The following NHS variants were observed in gnomAD, a reference collection of about 807,000 sequenced individuals.
NHS encodes actin remodeling regulator NHS.
In NHS, 5 loss-of-function variants were observed where a neutral mutation model predicts 72.5. The observed-to-expected ratio is 0.07, with a 90% CI of 0.04 to 0.14. The LOEUF (loss-of-function observed/expected upper bound fraction) is 0.14, where lower values mean the gene tolerates loss of function less well. Ranked by LOEUF, NHS falls within the 10% of genes least tolerant of loss-of-function variation. NHS has a pLI of 1.00. For synonymous variants in NHS, 464 were observed against 547.7 expected (o/e 0.85, Z 2.13); for missense variants, 1,072 against 1,355.7 (o/e 0.79, Z 3.29).
intron 1 of NHS, among the ~76,000 whole-genome samples, chrX:17,641,120 A>G (rs2065878792): frequency 9.1e-6 from 1 of 110,384 alleles, no homozygotes; most frequent in African/African-American, 3.3e-5. Flanking sequence ...TTTTTATTTT[A>G]TTTTATTTTA....
chrX:17,692,655 A>G (rs2066204470), intron 3 of NHS, among the ~76,000 whole-genome samples, 187 bp downstream of exon 3: 1 of 111,486 alleles, frequency 9.0e-6, no homozygotes, highest in African/African-American at 3.3e-5. Flanking sequence ...TTTGGAATAC[A>G]GACATATTTT....
intron 8 of NHS, 91 bp downstream of exon 8, chrX:17,728,866 G>T: frequency 9.0e-7 from 1 of 1,114,138 alleles, no homozygotes; most frequent in Non-Finnish European, 1.2e-6. Flanking sequence ...ATACAGGAAA[G>T]CTTTTTGTAA....
chrX:17,555,897 C>T (rs1018134048), intron 1 of NHS, among the ~76,000 whole-genome samples: 1 of 147 alleles, frequency 6.8e-3, no homozygotes, highest in Non-Finnish European at 0.014. Flanking sequence ...AGGAACAAAC[C>T]GGAGAGAAAA....
intron 1 of NHS, among the ~76,000 whole-genome samples, chrX:17,429,270 G>A (rs952604993): frequency 5.5e-5 from 6 of 108,122 alleles, no homozygotes; most frequent in East Asian, 5.7e-4. Flanking sequence ...ACACGTGCGC[G>A]CGCGCTATAC....
intron 1 of NHS, among the ~76,000 whole-genome samples, chrX:17,539,108 G>A (rs1183812552): frequency 8.9e-6 from 1 of 112,068 alleles, no homozygotes; most frequent in Admixed American, 9.4e-5. Flanking sequence ...CCCCCTTGTT[G>A]CTTCTTAAGC....
In NHS at chrX:17,731,843, C is replaced by A; in HGVS notation, c.4350-15C>A. 1.7e-6 allele frequency: 2 copies of A among 1,175,236 alleles called. No individual in the cohort carries two copies. Among genetic ancestry groups the A allele is most frequent in the Non-Finnish European group, 2.3e-6 (2 of 878,892 alleles). On this transcript the variant is annotated splice_polypyrimidine_tract_variant and intron_variant, in intron 8 of 8. Coordinates refer to ENST00000676302, the MANE Select transcript of NHS (RefSeq NM_001291867.2). Reference sequence around the variant, plus strand: ...CTGAGTGAGATGTTTGCCCCATTTTCTCCTTTTCTCAAAGATCCAAGAGGA... The same window carrying A: ...CTGAGTGAGATGTTTGCCCCATTTTATCCTTTTCTCAAAGATCCAAGAGGA...
chrX:17,681,286 C>T (rs1007511150), intron 1 of NHS, among the ~76,000 whole-genome samples: 56 of 112,093 alleles, frequency 5.0e-4, no homozygotes, highest in African/African-American at 1.5e-3. Flanking sequence ...TTGTTTTCAG[C>T]CCAGGAAAGG....
At chrX:17,534,817 TCTGGTGTCCCAGTGCACAC>T (rs1300186678) in intron 1 of NHS, among the ~76,000 whole-genome samples, 3 of 112,642 alleles carry the variant, frequency 2.7e-5, no homozygotes, top group African/African-American at 9.7e-5. Context: ...GTTCTTGGCA[TCTGGTGTCCCAGTGCACAC>T]CTGGAGAGTG....
Position 17,426,202 on chromosome X carries a change from T to C in NHS, c.565+49880T>C, listed in dbSNP as rs148267320. Reference sequence around the variant, plus strand: ...TGCCATGATGAGAGTATTTACACTATAGAAATTGGCAAATATGGCAAATAA... The same window carrying C: ...TGCCATGATGAGAGTATTTACACTACAGAAATTGGCAAATATGGCAAATAA... On this transcript the variant is annotated intron_variant, in intron 1 of 8. Transcript: ENST00000676302. 3.9e-3 allele frequency among the ~76,000 whole-genome samples: 440 copies of C among 111,947 alleles called. 1 individual carries two copies. Among genetic ancestry groups the C allele is most frequent in the African/African-American group, 0.013 (402 of 30,798 alleles).
chrX:17,606,763 A>G (rs777797491), intron 1 of NHS, among the ~76,000 whole-genome samples: 17 of 112,060 alleles, frequency 1.5e-4, no homozygotes, highest in Admixed American at 2.8e-4. Flanking sequence ...TTTACTGAGC[A>G]TATTCAGCTC....
At chrX:17,601,449 G>A (rs2065648965) in intron 1 of NHS, among the ~76,000 whole-genome samples, 1 of 111,776 alleles carries the variant, frequency 8.9e-6, no homozygotes, top group South Asian at 3.8e-4. Context: ...GAATAAACAT[G>A]GAGGAAAATA....
intron 1 of NHS, among the ~76,000 whole-genome samples, chrX:17,619,953 G>A (rs1220518202): frequency 2.7e-5 from 3 of 110,436 alleles, no homozygotes. Flanking sequence ...GTCTCAGAGG[G>A]TAGGGGCCAT....
At chrX:17,573,437 A>G (rs768150094) in intron 1 of NHS, among the ~76,000 whole-genome samples, 47 of 109,127 alleles carry the variant, frequency 4.3e-4, no homozygotes, top group African/African-American at 1.4e-3. Flanking sequence ...TTGATCTTCA[A>G]TCACTGATAT....
intron 1 of NHS, among the ~76,000 whole-genome samples, chrX:17,500,910 GTTAT>G (rs1227678675): frequency 2.7e-5 from 3 of 111,581 alleles, no homozygotes; most frequent in African/African-American, 6.5e-5. Flanking sequence ...GTTTTAAAGG[GTTAT>G]TTGAGAGATT....
intron 1 of NHS, among the ~76,000 whole-genome samples, chrX:17,564,318 G>A (rs1427251029): frequency 4.1e-4 from 46 of 111,604 alleles, no homozygotes; most frequent in Non-Finnish European, 1.9e-5. Context: ...AGCATCCCTG[G>A]CCTCTACCCA....
chrX:17,538,702 T>C (rs2065246263), intron 1 of NHS, among the ~76,000 whole-genome samples: 1 of 112,203 alleles, frequency 8.9e-6, no homozygotes, highest in Non-Finnish European at 1.9e-5. Context: ...TTTCTGGTCA[T>C]GCTCTCATCA....
At chrX:17,608,063 C>T (rs930208583) in intron 1 of NHS, among the ~76,000 whole-genome samples, 7 of 108,391 alleles carry the variant, frequency 6.5e-5, no homozygotes, top group African/African-American at 2.4e-4. Context: ...ACTACAGGCA[C>T]GCTACCATGC....
chrX:17,652,943 G>A (rs1324261182), intron 1 of NHS, among the ~76,000 whole-genome samples: 1 of 111,195 alleles, frequency 9.0e-6, no homozygotes, highest in Non-Finnish European at 1.9e-5. Context: ...TGTAAACTCA[G>A]TCCTTAGAAT....
At chrX:17,510,639 C>A (rs1242487759) in intron 1 of NHS, among the ~76,000 whole-genome samples, 2 of 111,793 alleles carry the variant, frequency 1.8e-5, no homozygotes, top group Non-Finnish European at 3.8e-5. Context: ...TAGATTTTCC[C>A]AAAGTAGCCT....
Sources: gnomAD v4.1 joint callset for allele counts (sites outside exome capture counted in the v4.1 genomes callset) on GRCh38, gnomAD v4.1.1 for gene constraint, MANE v1.5 for transcripts, NCBI Gene and HGNC (gene_info 2026-07-23, HGNC 2026-07-21) for gene names.